The following KHDRBS2 variants were observed in gnomAD, a reference collection of about 807,000 sequenced individuals.
KHDRBS2 encodes the protein KH domain-containing, RNA-binding, signal transduction-associated protein 2.
A neutral mutation model predicts 44.3 loss-of-function variants in KHDRBS2; 26 were observed. The ratio of observed to expected loss-of-function variants is 0.59; its 90% CI spans 0.43 to 0.81. The LOEUF (loss-of-function observed/expected upper bound fraction) is 0.81. KHDRBS2 is among the 40% of genes least tolerant of loss of function. The pLI is 0.00. For synonymous variants in KHDRBS2, 194 were observed against 151.1 expected, an observed-to-expected ratio of 1.28 and a Z score of -2.08; for missense variants, 476 against 433.1, an observed-to-expected ratio of 1.10 and a Z score of -0.88.
At chr6:62,282,315 T>C (rs2150197485) in intron 1 of KHDRBS2, among the ~76,000 whole-genome samples, 1 of 152,270 alleles carries the variant, frequency 6.6e-6, no homozygotes, top group East Asian at 1.9e-4. Context: ...TACTAAAGTT[T>C]GAAAATAGCG....
the KHDRBS2 span, among the ~76,000 whole-genome samples, chr6:61,573,384 C>T: frequency 6.6e-6 from 1 of 152,064 alleles, no homozygotes. Context: ...ATGAAAATGA[C>T]CATACTGCCA....
intron 1 of KHDRBS2, among the ~76,000 whole-genome samples, chr6:62,191,896 A>G (rs529315508): frequency 1.3e-5 from 2 of 152,246 alleles, no homozygotes; most frequent in East Asian, 3.9e-4. Flanking sequence ...GTGACATCTA[A>G]GAGGTGACAC....
intron 6 of KHDRBS2, among the ~76,000 whole-genome samples, chr6:61,882,187 A>C (rs1383242201): frequency 6.6e-6 from 1 of 152,004 alleles, no homozygotes. Context: ...TTATTTGTAG[A>C]TGTTGAGAAG....
chr6:62,122,102 C>T lies in KHDRBS2; in HGVS notation c.219+55083G>A, dbSNP rs201402673. On this transcript the variant is annotated intron_variant, in intron 2 of 8. Transcript: ENST00000281156. ...GAGTGGGGTCCAGAACAGAAGAAGG[C>T]TCTGCAACAGGTCTAGACTGCTGTG... Among the ~76,000 whole-genome samples the T allele has an allele frequency of 3.3e-5, 5 of 152,102 alleles. No homozygotes were observed. The East Asian group carries it at 9.7e-4, about 29-fold the overall frequency.
chr6:61,738,023 A>G (rs1199521744), intron 6 of KHDRBS2, among the ~76,000 whole-genome samples: 1 of 152,036 alleles, frequency 6.6e-6, no homozygotes, highest in African/African-American at 2.4e-5. Context: ...TGAATATTGA[A>G]TTAAGAAATC....
chr6:61,922,960 G>T (rs1353336608), intron 4 of KHDRBS2, among the ~76,000 whole-genome samples: 1 of 152,048 alleles, frequency 6.6e-6, no homozygotes, highest in Non-Finnish European at 1.5e-5. Context: ...ATAAAAATCA[G>T]CACATGTAAA....
chr6:62,019,615 T>A (rs1029314554), intron 3 of KHDRBS2, among the ~76,000 whole-genome samples: 25 of 152,104 alleles, frequency 1.6e-4, no homozygotes, highest in Non-Finnish European at 2.8e-4. Flanking sequence ...CAAAATATAA[T>A]TCTTTGGTAA....
intron 1 of KHDRBS2, among the ~76,000 whole-genome samples, chr6:62,278,453 C>T (rs1030347663): frequency 1.3e-5 from 2 of 152,020 alleles, no homozygotes; most frequent in African/African-American, 4.8e-5. Context: ...ACCTTAAAAT[C>T]AGATAAATAT....
chr6:61,798,234 T>C (rs1275289438), intron 6 of KHDRBS2, among the ~76,000 whole-genome samples: 2 of 152,126 alleles, frequency 1.3e-5, no homozygotes, highest in Non-Finnish European at 2.9e-5. Flanking sequence ...ACTCATATCA[T>C]ACTATTAGTC....
chr6:61,546,084 G>T, the KHDRBS2 span, among the ~76,000 whole-genome samples: 4 of 151,790 alleles, frequency 2.6e-5, no homozygotes, highest in Admixed American at 6.6e-5. Context: ...TGACAAACAC[G>T]TAAAGATATA....
At chr6:61,585,706 C>A in the KHDRBS2 span, among the ~76,000 whole-genome samples, 1 of 152,064 alleles carries the variant, frequency 6.6e-6, no homozygotes, top group African/African-American at 2.4e-5. Context: ...GCCCACTCAG[C>A]ATCTATTCTA....
At position 61,782,705 on chromosome 6, in the gene KHDRBS2, A is replaced by G. The variant is rs1165130263; in HGVS notation, c.811-49941T>C. Among the ~76,000 whole-genome samples the G allele has an allele frequency of 7.1e-3, 513 of 72,148 alleles. 19 individuals are homozygous for G. Among genetic ancestry groups the G allele is most frequent in the African/African-American group, 0.039 (323 of 8,334 alleles). The allele number at this position is 72,148 out of a possible 152,430, so 47.3% of individuals were successfully genotyped here. On this transcript the variant is annotated intron_variant, in intron 6 of 8. Transcript: ENST00000281156. ...AAAGGTTGTGTATATATATATATAT[A>G]TATATATATATATATATATATATAT...
Position 62,199,994 on chromosome 6 carries a change from C to T in KHDRBS2, c.92-22682G>A, listed in dbSNP as rs544418445. Among the ~76,000 whole-genome samples the T allele has an allele frequency of 9.2e-5, 14 of 152,250 alleles. No individual in the cohort carries two copies. In the East Asian group the frequency reaches 1.7e-3, roughly 19 times the overall value. On this transcript the variant is annotated intron_variant, in intron 1 of 8. Transcript: ENST00000281156. ...AAACAAGAAATGGAGAAAGGATTCC[C>T]TATTTAATAAATGGTGCTGGGAAAA... is the stretch of plus-strand genomic sequence containing the variant.
intron 6 of KHDRBS2, among the ~76,000 whole-genome samples, chr6:61,810,259 T>A (rs1787899565): frequency 6.6e-6 from 1 of 152,044 alleles, no homozygotes. Flanking sequence ...GCCTTTAGAC[T>A]ATGCCCTGAA....
At chr6:61,725,109 C>T (rs1773352356) in intron 7 of KHDRBS2, among the ~76,000 whole-genome samples, 1 of 152,124 alleles carries the variant, frequency 6.6e-6, no homozygotes, top group Non-Finnish European at 1.5e-5. Flanking sequence ...AACAGTGTCT[C>T]AGACCACAGT....
chr6:61,763,882 C>A (rs1339655558), intron 6 of KHDRBS2, among the ~76,000 whole-genome samples: 1 of 152,066 alleles, frequency 6.6e-6, no homozygotes, highest in African/African-American at 2.4e-5. Flanking sequence ...GTTACATAGG[C>A]AAATGTGTGC....
chr6:61,901,448 AAAACAAAACG>A, intron 4 of KHDRBS2, 77 bp from the exon 5 acceptor site: 2 of 1,148,454 alleles, frequency 1.7e-6, no homozygotes, highest in Non-Finnish European at 2.4e-6. Context: ...AAAAAGAAAC[AAAACAAAACG>A]CAATAGGAAA....
intron 1 of KHDRBS2, among the ~76,000 whole-genome samples, chr6:62,254,889 T>G (rs559396420): frequency 6.6e-6 from 1 of 152,030 alleles, no homozygotes; most frequent in Admixed American, 6.6e-5. Context: ...CATGAAACAA[T>G]TGTTCAACTA....
intron 3 of KHDRBS2, among the ~76,000 whole-genome samples, chr6:62,022,845 C>T (rs1356765212): frequency 6.6e-6 from 1 of 151,508 alleles, no homozygotes; most frequent in Non-Finnish European, 1.5e-5. Flanking sequence ...AGTGAAATTC[C>T]TTAATTTTTG....
Sources: allele counts gnomAD v4.1 joint callset (sites outside exome capture counted in the v4.1 genomes callset), GRCh38; gene constraint gnomAD v4.1.1; transcripts MANE v1.5; gene names NCBI Gene and HGNC (gene_info 2026-07-23, HGNC 2026-07-21).